The following POLR2F variants were observed in gnomAD, a reference collection of about 807,000 sequenced individuals.
The protein encoded by POLR2F is DNA-directed RNA polymerases I, II, and III subunit RPABC2.
Under a neutral mutation model 22.7 loss-of-function variants are expected in POLR2F, and 12 were observed. The observed-to-expected ratio is 0.53, with a 90% confidence interval of 0.34 to 0.86. The LOEUF (loss-of-function observed/expected upper bound fraction) is 0.86, where lower values mean the gene tolerates loss of function less well. Ranked by LOEUF, POLR2F falls within the 40% of genes least tolerant of loss-of-function variation. The probability of loss-of-function intolerance (pLI) is 0.02; values close to 1 mark genes in which losing one functional copy is unlikely to be tolerated. For synonymous variants in POLR2F, 57 were observed against 66.0 expected, an observed-to-expected ratio of 0.86 and a Z score of 0.66; for missense variants, 126 against 171.5, an observed-to-expected ratio of 0.73 and a Z score of 1.48.
chr22:38,026,778 C>T (rs189665190), downstream of POLR2F: 8 of 160,568 alleles, frequency 5.0e-5, no homozygotes, highest in East Asian at 3.6e-4. Flanking sequence ...ACTGGGCTGG[C>T]GACCCTCCTC....
chr22:37,955,409 T>C (rs1931346336), intron 1 of POLR2F, among the ~76,000 whole-genome samples: 1 of 151,564 alleles, frequency 6.6e-6, no homozygotes. Context: ...CATGGTGGCG[T>C]GTGCCTATAA....
chr22:38,005,228 G>A (rs377409130), intron 1 of POLR2F, among the ~76,000 whole-genome samples: 1 of 152,176 alleles, frequency 6.6e-6, no homozygotes, highest in East Asian at 1.9e-4. Context: ...TATTTCCAAC[G>A]TCCTTCACTC....
intron 1 of POLR2F, among the ~76,000 whole-genome samples, chr22:38,005,909 G>A (rs1184737481): frequency 6.6e-6 from 1 of 152,180 alleles, no homozygotes; most frequent in Non-Finnish European, 1.5e-5. Flanking sequence ...CAGAAGTATT[G>A]GTCTGCAAAG....
At chr22:37,995,137 C>T (rs1347234201) in intron 1 of POLR2F, among the ~76,000 whole-genome samples, 1 of 152,214 alleles carries the variant, frequency 6.6e-6, no homozygotes, top group African/African-American at 2.4e-5. Flanking sequence ...GGCACATTCT[C>T]CATCAGTGCA....
Position 37,953,719 on chromosome 22 carries a change from C to T in POLR2F, c.-69C>T. ...AAGATAAGCTAGGAGCCGCGCGAGT[C>T]GTAGTGTCGCTGTTTGCGGGTCTCC... is the stretch of plus-strand genomic sequence containing the variant. On this transcript the variant is annotated 5_prime_UTR_variant, in exon 1 of 5. Transcript: ENST00000442738. 1.9e-6 allele frequency: 3 copies of T among 1,562,544 alleles called. No individual in the cohort carries two copies. Among genetic ancestry groups the T allele is most frequent in the Non-Finnish European group, 2.6e-6 (3 of 1,153,862 alleles).
rs144197107 is a variant in POLR2F at position 38,036,797 on chromosome 22, C to T, written c.453-4271C>T. 3.1e-3 allele frequency among the ~76,000 whole-genome samples: 478 copies of T among 152,162 alleles called. 2 individuals are homozygous for T. The highest frequency in any genetic ancestry group is 0.01 in the African/African-American group (426 of 41,506). On this transcript the variant is annotated intron_variant, in intron 5 of 5. Transcript: ENST00000407936. ...TTCAGAGCTGGGCCCTCCAACCCCACGTGTCTGACTCCTTTTCCCACACAC... is the reference window on the plus strand; with the variant it reads ...TTCAGAGCTGGGCCCTCCAACCCCATGTGTCTGACTCCTTTTCCCACACAC...
intron 1 of POLR2F, among the ~76,000 whole-genome samples, chr22:37,955,671 T>A (rs930291449): frequency 1.3e-5 from 2 of 151,780 alleles, no homozygotes; most frequent in Non-Finnish European, 2.9e-5. Flanking sequence ...CGGATTTACT[T>A]CTTCTTCTTA....
chr22:38,012,323 C>T (rs1036201674), intron 1 of POLR2F, among the ~76,000 whole-genome samples: 1 of 152,150 alleles, frequency 6.6e-6, no homozygotes, highest in Non-Finnish European at 1.5e-5. Context: ...CTCAAGTGAT[C>T]CTCCTGCCTT....
intron 3 of POLR2F, among the ~76,000 whole-genome samples, chr22:37,965,414 G>A (rs1212870023): frequency 2.0e-5 from 3 of 152,228 alleles, no homozygotes; most frequent in African/African-American, 7.2e-5. Flanking sequence ...CTGGATGGTT[G>A]ATGTGTTTCT....
downstream of POLR2F, chr22:37,972,169 A>T (rs1932078690): frequency 1.6e-5 from 13 of 835,490 alleles, no homozygotes; most frequent in Non-Finnish European, 2.3e-5. Context: ...GGGTGGGGAA[A>T]GAGGGAGGGA....
At chr22:37,955,538 C>CAA (rs34340640) in intron 1 of POLR2F, among the ~76,000 whole-genome samples, 2,747 of 133,220 alleles carry the variant, frequency 0.021, 56 homozygotes, top group South Asian at 0.038. Context: ...GACTTTGTCT[C>CAA]AAAAAAAAAA....
rs572533729 is a variant in POLR2F at position 37,995,172 on chromosome 22, T to C, written c.120+8860T>C. Among the ~76,000 whole-genome samples, 154 of 152,314 alleles carry C rather than the reference T, an allele frequency of 1.0e-3. 4 individuals are homozygous for C. In the South Asian group the frequency reaches 0.031, roughly 31 times the overall value. ...ATTGAGGGAGCTGGCCTCTGACGTC[T>C]ATCAGATTTGCTGTCAGGGGCTTTA... On this transcript the variant is annotated intron_variant, in intron 1 of 2. Transcript: ENST00000333418.
intron 5 of POLR2F, among the ~76,000 whole-genome samples, chr22:38,036,834 C>G (rs965007616): frequency 6.6e-6 from 1 of 152,110 alleles, no homozygotes; most frequent in African/African-American, 2.4e-5. Flanking sequence ...GGCCTCCTGG[C>G]TGTTCCTAAA....
Position 37,986,425 on chromosome 22 carries a change from G to A in POLR2F, c.120+113G>A. 1 of 1,531,726 alleles carries A rather than the reference G, an allele frequency of 6.5e-7. No individual in the cohort carries two copies. Among genetic ancestry groups the A allele is most frequent in the Non-Finnish European group, 8.7e-7 (1 of 1,144,710 alleles). 94.9% of individuals were successfully genotyped at this position (1,531,726 alleles called of 1,614,324 possible). A position where few individuals can be genotyped will look rare whatever the true frequency, so the allele number is the denominator to read the frequency against. ...GAGACCCGCCTGGGGCAGGAGGGGTGGTTGTGGAAGGAAAGAGCCCAGAGT... is the reference window on the plus strand; with the variant it reads ...GAGACCCGCCTGGGGCAGGAGGGGTAGTTGTGGAAGGAAAGAGCCCAGAGT... On this transcript the variant is annotated intron_variant, in intron 1 of 2. Coordinates refer to the POLR2F transcript ENST00000333418. The surrounding 1 kb of genome is among the most constrained non-coding windows in gnomAD (Gnocchi z 4.7).
chr22:37,969,310 C>T lies in POLR2F; in HGVS notation c.*1595C>T. On this transcript the variant is annotated 3_prime_UTR_variant, in exon 5 of 5. Coordinates refer to ENST00000442738, the MANE Select transcript of POLR2F (RefSeq NM_021974.5). ...TCTCTTGAATAAAATGTCCCGGTCA[C>T]CACTATTGGTTCTGTTTTCTTAGGG... 1.0e-6 allele frequency: 1 copy of T among 985,406 alleles called. No homozygotes were observed. The highest frequency in any genetic ancestry group is 1.2e-6 in the Non-Finnish European group (1 of 829,914). 61.0% of individuals were successfully genotyped at this position (985,406 alleles called of 1,614,324 possible).
In POLR2F at chr22:37,986,368, TC is replaced by T; in HGVS notation, c.120+60del. On this transcript the variant is annotated intron_variant, in intron 1 of 2. Coordinates refer to the POLR2F transcript ENST00000333418. This position sits in a 1 kb window ranked among gnomAD's most constrained non-coding sequence, Gnocchi z 4.7. ...GTTCCTCCTCTTTGAGGAAAGGACC[TC>T]CCCGCTCTCTGCTGTGTCTGTGACT... 1 of 1,528,292 alleles carries T rather than the reference TC, an allele frequency of 6.5e-7. No individual in the cohort carries two copies. Among genetic ancestry groups the T allele is most frequent in the Non-Finnish European group, 8.7e-7 (1 of 1,142,894 alleles). 94.7% of individuals were successfully genotyped at this position (1,528,292 alleles called of 1,614,324 possible). A position where few individuals can be genotyped will look rare whatever the true frequency, so the allele number is the denominator to read the frequency against.
chr22:37,959,353 A>T lies in POLR2F; in HGVS notation c.98A>T (p.Gln33Leu). 1.2e-6 allele frequency: 2 copies of T among 1,613,988 alleles called. No homozygotes were observed. The highest frequency in any genetic ancestry group is 1.7e-6 in the Non-Finnish European group (2 of 1,179,934). The change falls in exon 3 of 5, where the codon CAG becomes CTG. Residue 33 changes from glutamine (Q) to leucine (L), a missense_variant. Gln to Leu is a moderately radical substitution (Grantham distance 113). Transcript: ENST00000442738. ...TTTTGTCTTGGTGTCCAGGAAGGCC[A>T]GGAGAATGTCGAGATCCTCCCCTCT... is the stretch of plus-strand genomic sequence containing the variant. The part of the protein sequence containing the change: ...DDLENAEEEG[Q>L]ENVEILPSGE...
chr22:37,954,008 C>T, intron 1 of POLR2F: 2 of 623,654 alleles, frequency 3.2e-6, no homozygotes, highest in Non-Finnish European at 5.5e-6. Flanking sequence ...GGCCCAGGCT[C>T]GAGGGTCCAG....
In POLR2F at chr22:38,016,737, G is replaced by A. The variant is rs1247492433; in HGVS notation, c.121-9132G>A. Among the ~76,000 whole-genome samples the A allele has an allele frequency of 3.3e-5, 5 of 151,920 alleles. No homozygotes were observed. In the East Asian group the frequency reaches 9.7e-4, roughly 29 times the overall value. On this transcript the variant is annotated intron_variant, in intron 1 of 2. Coordinates refer to the POLR2F transcript ENST00000333418. This position sits in a 1 kb window ranked among gnomAD's most constrained non-coding sequence, Gnocchi z 4.4. ...AGAGTGCTGGCACGCACCGCGGGGGGAGGGGGCGGGAGGGGGCCGCCGTCA... is the reference window on the plus strand; with the variant it reads ...AGAGTGCTGGCACGCACCGCGGGGGAAGGGGGCGGGAGGGGGCCGCCGTCA...
Sources: allele counts gnomAD v4.1 joint callset (sites outside exome capture counted in the v4.1 genomes callset), GRCh38; gene constraint gnomAD v4.1.1; non-coding constraint Gnocchi (gnomAD v3.1); transcripts MANE v1.5; gene names NCBI Gene and HGNC (gene_info 2026-07-23, HGNC 2026-07-21).